The following FMN2 variants were observed in gnomAD, a reference collection of about 807,000 sequenced individuals.
The protein encoded by FMN2 is formin 2, also known as formin-2.
In FMN2, 51 loss-of-function variants were observed where a neutral mutation model predicts 142.3. The observed-to-expected ratio is 0.36, with a 90% CI of 0.29 to 0.45. FMN2 has a LOEUF of 0.45. Ranked by LOEUF, FMN2 falls within the 20% of genes least tolerant of loss-of-function variation. FMN2 has a pLI of 1.00. For missense variants in FMN2, 1,936 were observed against 2,122.8 expected, an observed-to-expected ratio of 0.91 and a Z score of 1.73; for synonymous variants, 882 against 869.8, an observed-to-expected ratio of 1.01 and a Z score of -0.25.
intron 8 of FMN2, among the ~76,000 whole-genome samples, chr1:240,312,704 A>G (rs1670637224): frequency 1.3e-5 from 2 of 152,354 alleles, no homozygotes; most frequent in Admixed American, 6.5e-5. Context: ...CTGTGATCAG[A>G]TGTTCCACAA....
chr1:240,207,624 C>T lies in FMN2; in HGVS notation c.2812C>T (p.Pro938Ser), dbSNP rs764580510. 20 of 1,169,250 alleles carry T rather than the reference C, an allele frequency of 1.7e-5. No homozygotes were observed. In the East Asian group the frequency reaches 5.2e-4, roughly 30 times the overall value. 72.4% of individuals were successfully genotyped at this position (1,169,250 alleles called of 1,614,324 possible). A position where few individuals can be genotyped will look rare whatever the true frequency, so the allele number is the denominator to read the frequency against. The change falls in exon 5 of 18, where the codon CCC (proline) becomes TCC (serine). Residue 938 changes from proline to serine, a missense_variant. Coordinates refer to ENST00000319653, the MANE Select transcript of FMN2 (RefSeq NM_020066.5). ...GAGILPLPPL[P>S]GAGIPPPPPL... ...AGGCATACTCCCTCTGCCCCCTCTA[C>T]CCGGAGCGGGAATACCTCCTCCGCC...
chr1:240,145,147 C>G, intron 2 of FMN2: 2 of 1,482,674 alleles, frequency 1.3e-6, no homozygotes, highest in Non-Finnish European at 1.9e-6. Flanking sequence ...TTCGCATTTC[C>G]TCCAGCGCTG....
At chr1:240,251,202 G>T (rs1268712974) in intron 6 of FMN2, among the ~76,000 whole-genome samples, 1 of 151,788 alleles carries the variant, frequency 6.6e-6, no homozygotes, top group Non-Finnish European at 1.5e-5. Context: ...TTTGATGTAG[G>T]CGTTTATTAT....
chr1:240,139,555 A>G (rs945107094), intron 2 of FMN2, among the ~76,000 whole-genome samples: 10 of 152,200 alleles, frequency 6.6e-5, no homozygotes, highest in Admixed American at 2.0e-4. Flanking sequence ...AGCTACAAAG[A>G]GAATGATAAA....
chr1:240,164,438 CTTTG>C (rs976850389), intron 2 of FMN2, among the ~76,000 whole-genome samples: 63 of 152,022 alleles, frequency 4.1e-4, no homozygotes, highest in African/African-American at 1.4e-3. Flanking sequence ...AATCTTTTTT[CTTTG>C]TTCTTTCTTT....
intron 15 of FMN2, among the ~76,000 whole-genome samples, chr1:240,433,420 G>C (rs1046028506): frequency 6.6e-6 from 1 of 152,160 alleles, no homozygotes; most frequent in African/African-American, 2.4e-5. Flanking sequence ...TTCCTCTTTT[G>C]TTTCTTTTGC....
At chr1:240,422,962 T>G (rs959461987) in intron 15 of FMN2, among the ~76,000 whole-genome samples, 1 of 152,138 alleles carries the variant, frequency 6.6e-6, no homozygotes, top group Admixed American at 6.5e-5. Flanking sequence ...TTGAATTACC[T>G]TTTTTTCTAA....
chr1:240,329,899 C>G (rs1164272547), intron 10 of FMN2, among the ~76,000 whole-genome samples: 1 of 151,976 alleles, frequency 6.6e-6, no homozygotes, highest in Non-Finnish European at 1.5e-5. Context: ...TATGACTCAA[C>G]AGAAGACAAA....
intron 16 of FMN2, among the ~76,000 whole-genome samples, chr1:240,468,490 G>T (rs183202193): frequency 6.6e-6 from 1 of 152,194 alleles, no homozygotes; most frequent in African/African-American, 2.4e-5. Context: ...CCTCTCTCAG[G>T]ACACACTTCC....
intron 6 of FMN2, among the ~76,000 whole-genome samples, chr1:240,212,641 G>T (rs1666736803): frequency 6.6e-6 from 1 of 152,166 alleles, no homozygotes; most frequent in Non-Finnish European, 1.5e-5. Context: ...AATGTTAAAA[G>T]GAGTAATGGA....
At chr1:240,239,364 T>A (rs946665224) in intron 6 of FMN2, among the ~76,000 whole-genome samples, 3 of 152,220 alleles carry the variant, frequency 2.0e-5, no homozygotes, top group African/African-American at 7.2e-5. Context: ...CTGAAAATGA[T>A]GCCATCAGAA....
At position 240,377,559 on chromosome 1, in the gene FMN2, T is replaced by C. The variant is rs139937692; in HGVS notation, c.4859-14952T>C. On this transcript the variant is annotated intron_variant, in intron 14 of 17. Coordinates refer to ENST00000319653, the MANE Select transcript of FMN2 (RefSeq NM_020066.5). ...TAGGGGATACATTTCTTTGCCTTTT[T>C]TTAGACTCTAGAAGCTGCCCACATT... is the stretch of plus-strand genomic sequence containing the variant. Among the ~76,000 whole-genome samples, 88 of 152,286 alleles carry C rather than the reference T, an allele frequency of 5.8e-4. 2 individuals carry two copies. The East Asian group carries it at 0.015, about 27-fold the overall frequency.
intron 8 of FMN2, among the ~76,000 whole-genome samples, chr1:240,328,167 A>AAAAAAAAAAAAAAAAAAAG (rs1558435720): frequency 9.2e-5 from 13 of 141,158 alleles, no homozygotes; most frequent in Non-Finnish European, 1.4e-4. Context: ...AAAAAAAAAA[A>AAAAAAAAAAAAAAAAAAAG]AAAAAGAAAA....
intron 3 of FMN2, among the ~76,000 whole-genome samples, chr1:240,187,126 T>A (rs1219321936): frequency 2.7e-5 from 4 of 145,770 alleles, no homozygotes; most frequent in African/African-American, 1.0e-4. Context: ...AAAAATTAGC[T>A]GGGTGTGGTG....
intron 1 of FMN2, among the ~76,000 whole-genome samples, chr1:240,100,464 G>T (rs936836440): frequency 3.9e-5 from 6 of 152,152 alleles, no homozygotes; most frequent in Non-Finnish European, 8.8e-5. Flanking sequence ...ACTTTCTAAG[G>T]CTTTTTTATC....
intron 14 of FMN2, among the ~76,000 whole-genome samples, chr1:240,372,344 G>A (rs1400759423): frequency 2.0e-5 from 3 of 151,918 alleles, no homozygotes; most frequent in African/African-American, 7.2e-5. Context: ...TGTGTTTTGA[G>A]GATAAATCTT....
chr1:240,236,596 GT>G, intron 6 of FMN2, among the ~76,000 whole-genome samples: 2 of 152,298 alleles, frequency 1.3e-5, no homozygotes, highest in African/African-American at 4.8e-5. Flanking sequence ...TGCCATGAAG[GT>G]TTTACTCACG....
At chr1:240,334,566 T>C (rs1224795785) in intron 13 of FMN2, among the ~76,000 whole-genome samples, 1 of 152,216 alleles carries the variant, frequency 6.6e-6, no homozygotes, top group African/African-American at 2.4e-5. Flanking sequence ...ATTGTTGTAA[T>C]AGAAGATAAA....
chr1:240,320,636 G>A (rs1670940989), intron 8 of FMN2, among the ~76,000 whole-genome samples: 6 of 152,330 alleles, frequency 3.9e-5, no homozygotes, highest in Admixed American at 3.9e-4. Context: ...TAGGACGACA[G>A]TGAATTTTGT....
Sources: allele counts gnomAD v4.1 joint callset (sites outside exome capture counted in the v4.1 genomes callset), GRCh38; gene constraint gnomAD v4.1.1; transcripts MANE v1.5; gene names NCBI Gene and HGNC (gene_info 2026-07-23, HGNC 2026-07-21).